Variants in KIRREL1 observed in about 807,000 individuals in gnomAD.
KIRREL1 encodes the protein kin of IRRE-like protein 1.
KIRREL1 carries 25 observed loss-of-function variants against 83.3 expected under a neutral mutation model. That is an observed-to-expected ratio of 0.30 (90% CI 0.22 to 0.42). The LOEUF is 0.42. KIRREL1 is among the 10% of genes least tolerant of loss of function. The probability of loss-of-function intolerance (pLI) is 1.00; values close to 1 mark genes in which losing one functional copy is unlikely to be tolerated. For synonymous variants in KIRREL1, 388 were observed against 410.4 expected (o/e 0.95, Z 0.66); for missense variants, 812 against 1,032.3 (o/e 0.79, Z 2.92).
intron 1 of KIRREL1, among the ~76,000 whole-genome samples, chr1:158,057,309 G>C (rs1443609418): frequency 1.3e-5 from 2 of 152,164 alleles, no homozygotes; most frequent in African/African-American, 4.8e-5. Flanking sequence ...ATCCCAGAAA[G>C]GAAGCCCTGC....
chr1:158,050,283 G>A (rs1414898965), intron 1 of KIRREL1, among the ~76,000 whole-genome samples: 3 of 152,010 alleles, frequency 2.0e-5, no homozygotes, highest in Non-Finnish European at 4.4e-5. Flanking sequence ...TCTGCAGGGG[G>A]TTAAGGAAAT....
chr1:158,062,326 G>A (rs1661235896), intron 1 of KIRREL1, among the ~76,000 whole-genome samples: 1 of 152,126 alleles, frequency 6.6e-6, no homozygotes, highest in South Asian at 2.1e-4. Flanking sequence ...CTGCCATATT[G>A]AGACCTGCTC....
chr1:158,065,117 G>T (rs1231107926), intron 1 of KIRREL1, among the ~76,000 whole-genome samples: 1 of 152,092 alleles, frequency 6.6e-6, no homozygotes, highest in Non-Finnish European at 1.5e-5. Flanking sequence ...TCAGGGTCAA[G>T]GAGAGAATGC....
At chr1:158,008,828 G>A (rs1250219152) in intron 1 of KIRREL1, among the ~76,000 whole-genome samples, 1 of 152,124 alleles carries the variant, frequency 6.6e-6, no homozygotes, top group Admixed American at 6.6e-5. Flanking sequence ...TTAAATCCAG[G>A]TCTGTCTGGT....
intron 1 of KIRREL1, among the ~76,000 whole-genome samples, chr1:158,035,190 C>G (rs567567181): frequency 7.4e-4 from 112 of 152,180 alleles, no homozygotes; most frequent in Non-Finnish European, 1.3e-3. Flanking sequence ...TTTAAGAGAT[C>G]AATTACTTAC....
At chr1:158,029,469 C>T (rs550262454) in intron 1 of KIRREL1, among the ~76,000 whole-genome samples, 1 of 152,166 alleles carries the variant, frequency 6.6e-6, no homozygotes, top group East Asian at 1.9e-4. Flanking sequence ...TTCAGGCTGC[C>T]AATGTACAAT....
chr1:158,014,886 G>A (rs900677122), intron 1 of KIRREL1, among the ~76,000 whole-genome samples: 8 of 152,064 alleles, frequency 5.3e-5, no homozygotes, highest in South Asian at 2.1e-4. Context: ...GGGGAGGTGC[G>A]TTCTCCTCCT....
At position 158,096,301 on chromosome 1, in the gene KIRREL1, A is replaced by T. The variant is rs553157265; in HGVS notation, c.*1181A>T. The T allele has an allele frequency of 2.9e-6, 1 of 344,794 alleles. No individual in the cohort carries two copies. Among genetic ancestry groups the T allele is most frequent in the African/African-American group, 2.2e-5 (1 of 46,406 alleles). The allele number at this position is 344,794 out of a possible 1,614,324, so 21.4% of individuals were successfully genotyped here. A position where few individuals can be genotyped will look rare whatever the true frequency, so the allele number is the denominator to read the frequency against. Reference sequence around the variant, plus strand: ...CCTGGCTCTCAGTCTCTACTCTCCTATGTCCCATCAGTTGGTTGGAGGCCA... The same window carrying T: ...CCTGGCTCTCAGTCTCTACTCTCCTTTGTCCCATCAGTTGGTTGGAGGCCA... On this transcript the variant is annotated 3_prime_UTR_variant, in exon 15 of 15. Coordinates refer to ENST00000359209, the MANE Select transcript of KIRREL1 (RefSeq NM_018240.7).
intron 1 of KIRREL1, among the ~76,000 whole-genome samples, chr1:158,074,276 G>A (rs1661605504): frequency 6.6e-6 from 1 of 152,246 alleles, no homozygotes; most frequent in East Asian, 1.9e-4. Context: ...GGCCCCTGCA[G>A]ACCCAAAGAC....
chr1:158,084,684 G>A, intron 4 of KIRREL1, 105 bp downstream of exon 4: 1 of 1,254,702 alleles, frequency 8.0e-7, no homozygotes, highest in Non-Finnish European at 1.1e-6. Flanking sequence ...AGACATGAGA[G>A]GGGTCTTAGA....
At chr1:158,067,029 C>A (rs1661374939) in intron 1 of KIRREL1, among the ~76,000 whole-genome samples, 1 of 152,176 alleles carries the variant, frequency 6.6e-6, no homozygotes, top group African/African-American at 2.4e-5. Flanking sequence ...TCTCAGGAGC[C>A]CTTGCCAGGG....
At chr1:158,058,762 G>A (rs896309626) in intron 1 of KIRREL1, among the ~76,000 whole-genome samples, 4 of 152,136 alleles carry the variant, frequency 2.6e-5, no homozygotes, top group South Asian at 2.1e-4. Context: ...TCTGGGACCC[G>A]ATGCTTCATC....
At chr1:158,061,034 C>T (rs1444332251) in intron 1 of KIRREL1, among the ~76,000 whole-genome samples, 2 of 152,154 alleles carry the variant, frequency 1.3e-5, no homozygotes, top group Non-Finnish European at 2.9e-5. Flanking sequence ...CCGGAGGCTT[C>T]CCTGTGCCCT....
chr1:158,079,778 G>C (rs942835961), intron 3 of KIRREL1, among the ~76,000 whole-genome samples: 1 of 152,222 alleles, frequency 6.6e-6, no homozygotes, highest in African/African-American at 2.4e-5. Flanking sequence ...CAACCTCTGG[G>C]CATGAGTTTT....
intron 1 of KIRREL1, among the ~76,000 whole-genome samples, chr1:158,014,400 G>A (rs1659768059): frequency 6.6e-6 from 1 of 152,136 alleles, no homozygotes; most frequent in Non-Finnish European, 1.5e-5. Flanking sequence ...ACCATTCAGA[G>A]ATAATTAAGT....
chr1:158,068,862 G>C (rs564193174), intron 1 of KIRREL1, among the ~76,000 whole-genome samples: 8 of 152,350 alleles, frequency 5.3e-5, no homozygotes, highest in African/African-American at 1.9e-4. Context: ...CAGAGAGGGA[G>C]GGAGAGTGGA....
At chr1:158,012,888 C>A (rs922627546) in intron 1 of KIRREL1, among the ~76,000 whole-genome samples, 1 of 152,226 alleles carries the variant, frequency 6.6e-6, no homozygotes, top group East Asian at 1.9e-4. Flanking sequence ...ACACAGCTAA[C>A]CCTTTGTTGT....
chr1:158,045,468 A>G (rs1660754001), intron 1 of KIRREL1, among the ~76,000 whole-genome samples: 2 of 152,360 alleles, frequency 1.3e-5, no homozygotes, highest in South Asian at 4.1e-4. Context: ...CTCAGGACTC[A>G]GGAAAGTGCT....
At chr1:158,006,754 A>T (rs2101629329) in intron 1 of KIRREL1, among the ~76,000 whole-genome samples, 1 of 152,296 alleles carries the variant, frequency 6.6e-6, no homozygotes, top group Non-Finnish European at 1.5e-5. Context: ...CGATGGCCTG[A>T]GGGACCCTCC....
Sources: gnomAD v4.1 joint callset for allele counts (sites outside exome capture counted in the v4.1 genomes callset) on GRCh38, gnomAD v4.1.1 for gene constraint, MANE v1.5 for transcripts, NCBI Gene and HGNC (gene_info 2026-07-23, HGNC 2026-07-21) for gene names.